ACTMAP: variants seen among roughly 807,000 people sequenced by gnomAD.
The protein encoded by ACTMAP is UPF0692 protein C19orf54.
the ACTMAP span, chr19:40,741,391 T>G: frequency 4.9e-6 from 1 of 204,834 alleles, no homozygotes; most frequent in African/African-American, 2.3e-5. Flanking sequence ...TGGAGTGAGC[T>G]GAGATCACGC....
At chr19:40,740,950 G>A in the ACTMAP span, 3 of 398,682 alleles carry the variant, frequency 7.5e-6, no homozygotes, top group South Asian at 1.3e-4. Context: ...TGGGAAAGAG[G>A]CAGGCTCCAA....
chr19:40,748,546 T>C, the ACTMAP span, among the ~76,000 whole-genome samples: 1 of 152,036 alleles, frequency 6.6e-6, no homozygotes, highest in Non-Finnish European at 1.5e-5. Context: ...CCCAGTTTCC[T>C]CAAGGCTCCT....
chr19:40,744,086 C>T, the ACTMAP span: 2 of 1,613,888 alleles, frequency 1.2e-6, no homozygotes, highest in African/African-American at 1.3e-5. Context: ...AGGGGATGTC[C>T]AGTGACCAGG....
the ACTMAP span, among the ~76,000 whole-genome samples, chr19:40,747,155 T>G: frequency 6.6e-6 from 1 of 151,964 alleles, no homozygotes; most frequent in African/African-American, 2.4e-5. Flanking sequence ...AAGGTTCGGT[T>G]TGGGTGTTGG....
At chr19:40,745,107 G>A in the ACTMAP span, 47 of 1,551,676 alleles carry the variant, frequency 3.0e-5, no homozygotes, top group Non-Finnish European at 3.8e-5. Context: ...GATGGGCTGG[G>A]GTTCCCGCAT....
the ACTMAP span, chr19:40,742,758 C>T: frequency 6.2e-7 from 1 of 1,607,476 alleles, no homozygotes; most frequent in Non-Finnish European, 8.5e-7. Context: ...AGCCCGAACA[C>T]CCAGCAGGAC....
the ACTMAP span, chr19:40,744,599 G>A: frequency 1.9e-6 from 3 of 1,613,840 alleles, no homozygotes; most frequent in Non-Finnish European, 2.5e-6. Flanking sequence ...CTCTTTCCGT[G>A]GCCACCCGTA....
At chr19:40,744,193 G>A in the ACTMAP span, 2 of 1,574,846 alleles carry the variant, frequency 1.3e-6, no homozygotes, top group Non-Finnish European at 1.7e-6. Context: ...GCCCATATCG[G>A]CCACTGCAGG....
the ACTMAP span, chr19:40,744,752 G>T: frequency 6.6e-7 from 1 of 1,518,508 alleles, no homozygotes; most frequent in Non-Finnish European, 8.8e-7. Flanking sequence ...TGGAGTTGGG[G>T]AACAGGTTTG....
At chr19:40,742,510 C>A in the ACTMAP span, 5 of 1,535,480 alleles carry the variant, frequency 3.3e-6, no homozygotes, top group East Asian at 9.5e-5. Context: ...ACGGGCACCA[C>A]GTACACCCGG....
At chr19:40,744,308 C>A in the ACTMAP span, 1 of 1,414,616 alleles carries the variant, frequency 7.1e-7, no homozygotes, top group South Asian at 1.4e-5. Flanking sequence ...CCCCTTGGTA[C>A]AAATGCAGAA....
At chr19:40,745,123 C>T in the ACTMAP span, 4 of 1,551,906 alleles carry the variant, frequency 2.6e-6, no homozygotes, top group Non-Finnish European at 3.5e-6. Context: ...CGCATCAGGG[C>T]ACATACTGAG....
chr19:40,744,202 G>A, the ACTMAP span: 11 of 1,562,130 alleles, frequency 7.0e-6, no homozygotes, highest in South Asian at 1.1e-4. Flanking sequence ...GGCCACTGCA[G>A]GGTGAGAGCA....
the ACTMAP span, among the ~76,000 whole-genome samples, chr19:40,745,362 C>G: frequency 3.3e-5 from 5 of 152,188 alleles, no homozygotes; most frequent in Non-Finnish European, 7.3e-5. Context: ...TTCCCCTCCC[C>G]AAGCTTCAGT....
the ACTMAP span, chr19:40,741,996 A>G: frequency 2.2e-6 from 1 of 447,508 alleles, no homozygotes; most frequent in Non-Finnish European, 4.5e-6. Context: ...GTGGGACTCA[A>G]TGATCCGGGG....
chr19:40,744,653 A>G, the ACTMAP span: 1 of 1,612,618 alleles, frequency 6.2e-7, no homozygotes. Flanking sequence ...ACAGGAGAGT[A>G]CCTGCCATCC....
chr19:40,744,051 C>G, the ACTMAP span: 1 of 1,613,968 alleles, frequency 6.2e-7, no homozygotes, highest in Non-Finnish European at 8.5e-7. Context: ...CTCCTCTCTC[C>G]CAGGCCCTGG....
the ACTMAP span, chr19:40,745,003 C>T: frequency 1.4e-5 from 16 of 1,181,098 alleles, no homozygotes; most frequent in Non-Finnish European, 6.1e-6. Context: ...GAAAGTTCCC[C>T]CTTTCCTTCC....
At chr19:40,745,423 C>T in the ACTMAP span, among the ~76,000 whole-genome samples, 2 of 152,166 alleles carry the variant, frequency 1.3e-5, no homozygotes, top group African/African-American at 4.8e-5. Context: ...GCTCCCTGCT[C>T]GCTCTCTCAG....
Sources: allele counts gnomAD v4.1 joint callset (sites outside exome capture counted in the v4.1 genomes callset), GRCh38; gene constraint gnomAD v4.1.1; transcripts MANE v1.5; gene names NCBI Gene and HGNC (gene_info 2026-07-23, HGNC 2026-07-21).